Variants in FOXP1 observed in about 807,000 individuals in gnomAD.
FOXP1 encodes the protein forkhead box P1.
In FOXP1, 15 loss-of-function variants were observed where a neutral mutation model predicts 98.2. That is an observed-to-expected ratio of 0.15 (90% CI 0.10 to 0.24). The LOEUF (loss-of-function observed/expected upper bound fraction) is 0.24. Ranked by LOEUF, FOXP1 falls within the 10% of genes least tolerant of loss-of-function variation. The pLI, the probability that FOXP1 is intolerant of heterozygous loss-of-function variation, is 1.00. For missense variants in FOXP1, 633 were observed against 848.5 expected, an observed-to-expected ratio of 0.75 and a Z score of 3.15; for synonymous variants, 371 against 314.5, an observed-to-expected ratio of 1.18 and a Z score of -1.90.
intron 4 of FOXP1, among the ~76,000 whole-genome samples, chr3:71,326,835 C>G (rs932250004): frequency 6.6e-6 from 1 of 151,918 alleles, no homozygotes; most frequent in Non-Finnish European, 1.5e-5. Flanking sequence ...ACAGAAAGGT[C>G]AAGATGAACT....
chr3:71,200,817 T>C (rs565326475), intron 5 of FOXP1, among the ~76,000 whole-genome samples: 3 of 152,372 alleles, frequency 2.0e-5, no homozygotes, highest in African/African-American at 7.2e-5. Context: ...GTTTTCTTGC[T>C]AGAAATTGGA....
At chr3:71,343,115 C>A (rs1275658358) in intron 4 of FOXP1, among the ~76,000 whole-genome samples, 1 of 152,164 alleles carries the variant, frequency 6.6e-6, no homozygotes, top group African/African-American at 2.4e-5. Flanking sequence ...AATTATTAAA[C>A]AAAACTTCTG....
Position 71,190,905 on chromosome 3 carries a change from T to C in FOXP1, c.180+7297A>G, listed in dbSNP as rs1165481216. 5.3e-5 allele frequency among the ~76,000 whole-genome samples: 8 copies of C among 152,154 alleles called. No homozygotes were observed. The East Asian group carries it at 7.7e-4, about 15-fold the overall frequency. On this transcript the variant is annotated intron_variant, in intron 6 of 20. Coordinates refer to ENST00000649528, the MANE Select transcript of FOXP1 (RefSeq NM_001349338.3). ...TACAAGTAACACTTCATAATTACAA[T>C]AGATTTGAGTTCAAAGACAAAGTGA...
chr3:71,110,012 C>T (rs569804725), intron 7 of FOXP1, among the ~76,000 whole-genome samples: 1 of 152,118 alleles, frequency 6.6e-6, no homozygotes, highest in Non-Finnish European at 1.5e-5. Flanking sequence ...CCCTTCTCCC[C>T]CTACTTTTTA....
chr3:71,430,787 T>C (rs141087466), intron 3 of FOXP1, among the ~76,000 whole-genome samples: 1 of 152,090 alleles, frequency 6.6e-6, no homozygotes, highest in Non-Finnish European at 1.5e-5. Context: ...TGCCTTATGG[T>C]GTCTGTCACC....
At chr3:71,406,414 T>TATATATATATATATATATATAC (rs1220162304) in intron 3 of FOXP1, among the ~76,000 whole-genome samples, 14 of 141,814 alleles carry the variant, frequency 9.9e-5, no homozygotes, top group Admixed American at 4.2e-4. Flanking sequence ...TGTATATATA[T>TATATATATATATATATATATAC]ATATATATAT....
chr3:71,085,322 T>A (rs567380340), intron 7 of FOXP1, among the ~76,000 whole-genome samples: 50 of 151,602 alleles, frequency 3.3e-4, no homozygotes, highest in South Asian at 8.4e-4. Context: ...TAAAAAAAAA[T>A]TTTTTTTTGT....
chr3:71,423,008 A>T (rs78515776), intron 3 of FOXP1, among the ~76,000 whole-genome samples: 1 of 152,142 alleles, frequency 6.6e-6, no homozygotes, highest in Admixed American at 6.5e-5. Context: ...AGGAGCCAGG[A>T]AAGAGCTGCC....
At chr3:71,433,032 G>A (rs760101097) in intron 3 of FOXP1, among the ~76,000 whole-genome samples, 1 of 150,986 alleles carries the variant, frequency 6.6e-6, no homozygotes, top group Non-Finnish European at 1.5e-5. Context: ...ATCTTTTGGT[G>A]TTAAAAAAAA....
intron 13 of FOXP1, among the ~76,000 whole-genome samples, chr3:70,999,334 C>T (rs1297920873): frequency 6.6e-6 from 1 of 152,140 alleles, no homozygotes; most frequent in South Asian, 2.1e-4. Context: ...GTGATCCACC[C>T]GCCTTGGCCT....
chr3:70,965,840 A>AG (rs2034644450), intron 20 of FOXP1, 50 bp downstream of exon 20: 1 of 1,575,106 alleles, frequency 6.3e-7, no homozygotes, highest in East Asian at 2.2e-5. Flanking sequence ...GCGTGTACCT[A>AG]GGGAGACTAG....
At chr3:71,100,693 T>C (rs918144739) in intron 7 of FOXP1, among the ~76,000 whole-genome samples, 1 of 152,240 alleles carries the variant, frequency 6.6e-6, no homozygotes, top group Non-Finnish European at 1.5e-5. Flanking sequence ...CAGTACACAG[T>C]ATCTGCAATT....
chr3:71,507,491 T>C (rs73094835), intron 2 of FOXP1, among the ~76,000 whole-genome samples: 1,595 of 152,284 alleles, frequency 0.01, 9 homozygotes, highest in Non-Finnish European at 0.017. Flanking sequence ...TTAAAAAGTA[T>C]TGTAAAAACA....
At chr3:71,203,229 C>T (rs1290683289) in intron 5 of FOXP1, among the ~76,000 whole-genome samples, 1 of 152,194 alleles carries the variant, frequency 6.6e-6, no homozygotes, top group Non-Finnish European at 1.5e-5. Flanking sequence ...AAGGTCAATG[C>T]TGCAATTGCA....
chr3:71,240,221 C>G (rs2067134276), intron 5 of FOXP1, among the ~76,000 whole-genome samples: 1 of 152,254 alleles, frequency 6.6e-6, no homozygotes, highest in Admixed American at 6.5e-5. Context: ...CAGTTACACC[C>G]ACTCAACTCC....
intron 2 of FOXP1, among the ~76,000 whole-genome samples, chr3:71,548,834 T>C (rs965630559): frequency 1.3e-5 from 2 of 152,028 alleles, no homozygotes; most frequent in African/African-American, 4.8e-5. Flanking sequence ...ATCACTAATA[T>C]TTCATCAGCA....
intron 7 of FOXP1, among the ~76,000 whole-genome samples, chr3:71,082,269 ACT>A (rs908980747): frequency 2.1e-5 from 3 of 144,884 alleles, no homozygotes. Flanking sequence ...ACACAGTGAG[ACT>A]CTGTTTAAAA....
At chr3:71,145,111 C>A (rs1226525790) in intron 6 of FOXP1, among the ~76,000 whole-genome samples, 1 of 152,184 alleles carries the variant, frequency 6.6e-6, no homozygotes, top group African/African-American at 2.4e-5. Flanking sequence ...CAGCTTGGGG[C>A]AACTATAAAT....
At chr3:71,364,427 T>C (rs1002045450) in intron 3 of FOXP1, among the ~76,000 whole-genome samples, 1 of 152,180 alleles carries the variant, frequency 6.6e-6, no homozygotes, top group Non-Finnish European at 1.5e-5. Flanking sequence ...TGATTCCCAC[T>C]TTACAGGTAA....
Sources: gnomAD v4.1 joint callset for allele counts (sites outside exome capture counted in the v4.1 genomes callset) on GRCh38, gnomAD v4.1.1 for gene constraint, MANE v1.5 for transcripts, NCBI Gene and HGNC (gene_info 2026-07-23, HGNC 2026-07-21) for gene names.